The following TSC22D1 variants were observed in gnomAD, a reference collection of about 807,000 sequenced individuals.
TSC22D1 encodes the protein TSC22 domain family protein 1.
TSC22D1 carries 9 observed loss-of-function variants against 74.2 expected under a neutral mutation model. The observed-to-expected ratio is 0.12, with a 90% CI of 0.07 to 0.21. TSC22D1 has a LOEUF of 0.21. TSC22D1 is among the 10% of genes least tolerant of loss of function. The pLI, the probability that TSC22D1 is intolerant of heterozygous loss-of-function variation, is 1.00. For missense variants in TSC22D1, 1,427 were observed against 1,304.7 expected, an observed-to-expected ratio of 1.09 and a Z score of -1.44; for synonymous variants, 586 against 492.5, an observed-to-expected ratio of 1.19 and a Z score of -2.51.
chr13:44,509,950 C>CAAAAAAAAAAAAAAAAAAAAAA, intron 1 of TSC22D1, among the ~76,000 whole-genome samples: 19 of 51,424 alleles, frequency 3.7e-4, no homozygotes, highest in East Asian at 5.7e-4. Context: ...AGAAAATAAG[C>CAAAAAAAAAAAAAAAAAAAAAA]AAAAAAAAAA....
Position 44,575,877 on chromosome 13 carries a change from C to T in TSC22D1, c.198G>A (p.Pro66=). 1.2e-6 allele frequency: 2 copies of T among 1,614,022 alleles called. No individual in the cohort carries two copies. Among genetic ancestry groups the T allele is most frequent in the South Asian group, 2.2e-5 (2 of 91,078 alleles). The stretch of plus-strand genomic sequence containing the variant: ...ACGTAGAAGATGCTGCAGGGGGCGG[C>T]GGCTGAAGCAGCGACGGAGGCGGAA... ...EDFPPPSLLQ[P]PPPAASSTSG... Residue 66 remains proline, a synonymous_variant, in exon 1 of 3, where the codon CCG becomes CCA. Coordinates refer to ENST00000458659, the MANE Select transcript of TSC22D1 (RefSeq NM_183422.4).
At chr13:44,452,814 A>G (rs1054827961) in intron 1 of TSC22D1, 4 of 152,292 alleles carry the variant, frequency 2.6e-5, no homozygotes, top group African/African-American at 4.8e-5. Context: ...TATTCACTCT[A>G]GAAAGCTGGT....
intron 1 of TSC22D1, among the ~76,000 whole-genome samples, chr13:44,514,415 A>C (rs1175368823): frequency 4.6e-5 from 7 of 152,110 alleles, no homozygotes; most frequent in African/African-American, 1.2e-4. Flanking sequence ...CACACACAAA[A>C]AAACCACCAT....
intron 1 of TSC22D1, among the ~76,000 whole-genome samples, chr13:44,519,246 T>A (rs1010677740): frequency 6.6e-6 from 1 of 152,208 alleles, no homozygotes; most frequent in Non-Finnish European, 1.5e-5. Context: ...CTTTCACTGA[T>A]TACTTTCCTT....
At chr13:44,516,823 C>T (rs1880010366) in intron 1 of TSC22D1, among the ~76,000 whole-genome samples, 1 of 152,190 alleles carries the variant, frequency 6.6e-6, no homozygotes, top group Non-Finnish European at 1.5e-5. Flanking sequence ...AACAGCAACA[C>T]TACTAACAAC....
intron 1 of TSC22D1, among the ~76,000 whole-genome samples, chr13:44,569,376 A>C (rs1392031794): frequency 6.6e-6 from 1 of 152,212 alleles, no homozygotes; most frequent in Admixed American, 6.5e-5. Context: ...ATACCACAAT[A>C]ATCATCTAAA....
At chr13:44,535,014 T>C (rs1020694242) in intron 1 of TSC22D1, among the ~76,000 whole-genome samples, 3 of 152,172 alleles carry the variant, frequency 2.0e-5, no homozygotes, top group Non-Finnish European at 4.4e-5. Context: ...AGGCTACATA[T>C]ACACAGAGTA....
At chr13:44,496,523 A>G (rs544499601) in intron 1 of TSC22D1, among the ~76,000 whole-genome samples, 1 of 152,118 alleles carries the variant, frequency 6.6e-6, no homozygotes, top group South Asian at 2.1e-4. Context: ...TCTCTACTAA[A>G]AATACAAAAA....
chr13:44,454,456 G>A (rs1426716888), intron 1 of TSC22D1, among the ~76,000 whole-genome samples: 2 of 152,026 alleles, frequency 1.3e-5, no homozygotes, highest in African/African-American at 2.4e-5. Context: ...AACTAAGAAC[G>A]TTATCAACAC....
chr13:44,571,653 G>A (rs1192048754), intron 1 of TSC22D1, among the ~76,000 whole-genome samples: 2 of 151,928 alleles, frequency 1.3e-5, no homozygotes, highest in South Asian at 4.1e-4. Flanking sequence ...TAATATTTGT[G>A]GTAATTCTTT....
At position 44,433,885 on chromosome 13, in the gene TSC22D1, G is replaced by A; in HGVS notation, c.*741C>T. On this transcript the variant is annotated 3_prime_UTR_variant, in exon 3 of 3. Coordinates refer to ENST00000458659, the MANE Select transcript of TSC22D1 (RefSeq NM_183422.4). ...ATATATAAAAGTCCACACCTCCTCAGACAGCCAATGAAACAACTAAATTTC... is the reference window on the plus strand; with the variant it reads ...ATATATAAAAGTCCACACCTCCTCAAACAGCCAATGAAACAACTAAATTTC... The A allele has an allele frequency of 1.6e-6, 2 of 1,215,930 alleles. No homozygotes were observed. Among genetic ancestry groups the A allele is most frequent in the Non-Finnish European group, 1.1e-6 (1 of 900,318 alleles). The allele number at this position is 1,215,930 out of a possible 1,614,324, so 75.3% of individuals were successfully genotyped here.
intron 1 of TSC22D1, among the ~76,000 whole-genome samples, chr13:44,505,118 G>A (rs1356316822): frequency 6.6e-6 from 1 of 152,116 alleles, no homozygotes; most frequent in Non-Finnish European, 1.5e-5. Context: ...CATCATCCTT[G>A]TATGATTTGG....
intron 1 of TSC22D1, among the ~76,000 whole-genome samples, chr13:44,517,853 A>ATTTTTTTTT (rs1438542551): frequency 1.7e-4 from 4 of 23,276 alleles, no homozygotes; most frequent in Non-Finnish European, 2.5e-4. Context: ...ATATATATAT[A>ATTTTTTTTT]TATATTTTTT....
At chr13:44,492,125 T>C (rs1878754999) in intron 1 of TSC22D1, among the ~76,000 whole-genome samples, 7 of 151,884 alleles carry the variant, frequency 4.6e-5, no homozygotes. Flanking sequence ...CTCCTTAATC[T>C]ACAATGGGGT....
chr13:44,489,413 C>T (rs182375912), intron 1 of TSC22D1, among the ~76,000 whole-genome samples: 2 of 151,400 alleles, frequency 1.3e-5, no homozygotes, highest in East Asian at 1.9e-4. Flanking sequence ...AATAAGAGAA[C>T]AAAAATTTAA....
chr13:44,565,210 G>A (rs1566178597), intron 1 of TSC22D1, among the ~76,000 whole-genome samples: 1 of 152,078 alleles, frequency 6.6e-6, no homozygotes, highest in Non-Finnish European at 1.5e-5. Flanking sequence ...GATTACCTAG[G>A]GAAAAGGTAG....
chr13:44,536,726 A>G, intron 1 of TSC22D1: 1 of 983,354 alleles, frequency 1.0e-6, no homozygotes, highest in East Asian at 1.1e-4. Context: ...TATTTACAGT[A>G]TTAACTCAAG....
intron 1 of TSC22D1, among the ~76,000 whole-genome samples, chr13:44,490,311 G>T (rs73188774): frequency 6.6e-6 from 1 of 150,634 alleles, no homozygotes; most frequent in African/African-American, 2.4e-5. Flanking sequence ...AGGAGGTATC[G>T]CTAGGGAGAA....
At chr13:44,546,224 T>C (rs1881816612) in intron 1 of TSC22D1, among the ~76,000 whole-genome samples, 2 of 152,152 alleles carry the variant, frequency 1.3e-5, no homozygotes, top group Non-Finnish European at 2.9e-5. Flanking sequence ...TTAATGGAAG[T>C]ATGATGAGAA....
Sources: allele counts gnomAD v4.1 joint callset (sites outside exome capture counted in the v4.1 genomes callset), GRCh38; gene constraint gnomAD v4.1.1; transcripts MANE v1.5; gene names NCBI Gene and HGNC (gene_info 2026-07-23, HGNC 2026-07-21).